LONRF2: variants seen among roughly 807,000 people sequenced by gnomAD.
LONRF2 encodes the protein LON peptidase N-terminal domain and ring finger 2.
A neutral mutation model predicts 66.6 loss-of-function variants in LONRF2; 35 were observed. The ratio of observed to expected loss-of-function variants is 0.53; its 90% CI spans 0.40 to 0.70. LONRF2 has a LOEUF of 0.70. LONRF2 is among the 30% of genes least tolerant of loss of function. The pLI is 0.00. For synonymous variants in LONRF2, 417 were observed against 418.1 expected, an observed-to-expected ratio of 1.00 and a Z score of 0.03; for missense variants, 902 against 1,002.1, an observed-to-expected ratio of 0.90 and a Z score of 1.35.
intron 2 of LONRF2, 120 bp from the exon 3 acceptor site, chr2:100,303,163 T>TA (rs1217163170): frequency 1.9e-6 from 2 of 1,059,614 alleles, no homozygotes; most frequent in Non-Finnish European, 2.6e-6. Flanking sequence ...TTACATAGAA[T>TA]AAACAAAGCC....
chr2:100,308,507 A>G (rs1384468349), intron 2 of LONRF2, among the ~76,000 whole-genome samples: 2 of 152,184 alleles, frequency 1.3e-5, no homozygotes, highest in African/African-American at 4.8e-5. Context: ...AAGTTCTTTA[A>G]AACTTTAAAA....
At position 100,274,675 on chromosome 2, in the gene LONRF2, C is replaced by A. The variant is rs945966061; in HGVS notation, c.*9623G>T. 1.3e-5 allele frequency: 2 copies of A among 152,474 alleles called. No individual in the cohort carries two copies. Among genetic ancestry groups the A allele is most frequent in the Admixed American group, 6.5e-5 (1 of 15,292 alleles). 9.4% of individuals were successfully genotyped at this position (152,474 alleles called of 1,614,324 possible). The stretch of plus-strand genomic sequence containing the variant: ...CACCCTGATCACCCAGGGCCAGGCA[C>A]CAGGCAGCTGGAGACCACCCCTGTA... On this transcript the variant is annotated 3_prime_UTR_variant, in exon 12 of 12. Transcript: ENST00000393437.
At chr2:100,314,056 C>G (rs540526681) in intron 1 of LONRF2, among the ~76,000 whole-genome samples, 41 of 152,080 alleles carry the variant, frequency 2.7e-4, no homozygotes, top group African/African-American at 9.6e-4. Context: ...ATAAATAAAG[C>G]TGCAATGAAC....
chr2:100,287,204 G>A lies in LONRF2; in HGVS notation c.1921-141C>T, dbSNP rs935572667. On this transcript the variant is annotated intron_variant, in intron 10 of 11. Coordinates refer to ENST00000393437, the MANE Select transcript of LONRF2 (RefSeq NM_198461.4). ...CATCAGTTTCACAAAAATGGTACAT[G>A]CTCAATATAGAAATCTGCATTTTTT... 10 of 753,308 alleles carry A rather than the reference G, an allele frequency of 1.3e-5. No individual in the cohort carries two copies. In the African/African-American group the frequency reaches 1.8e-4, roughly 13 times the overall value. The allele number at this position is 753,308 out of a possible 1,614,324, so 46.7% of individuals were successfully genotyped here.
intron 1 of LONRF2, among the ~76,000 whole-genome samples, chr2:100,317,694 T>C (rs1210262941): frequency 1.3e-5 from 2 of 152,196 alleles, no homozygotes; most frequent in Non-Finnish European, 2.9e-5. Flanking sequence ...TTAAAGCACC[T>C]TGATTTTGTG....
At position 100,321,540 on chromosome 2, in the gene LONRF2, C is replaced by A; in HGVS notation, c.554G>T (p.Gly185Val). Reference sequence around the variant, plus strand: ...GGCCGGGAAGCACTTCTCCAGCAGGCCGCTCAGCACCACGTTCACGCGCCG... The same window carrying A: ...GGCCGGGAAGCACTTCTCCAGCAGGACGCTCAGCACCACGTTCACGCGCCG... The part of the protein sequence containing the change: ...QVRRVNVVLS[G>V]LLEKCFPAEC... Residue 185 changes from glycine (G) to valine (V), a missense_variant, in exon 1 of 12, where the codon GGC becomes GTC. By Grantham distance (109) the Gly-to-Val change is moderately radical (BLOSUM62 -3). Around this residue, in one of 2 missense-constraint regions of LONRF2, gnomAD observed 585 missense variants for 569.9 expected, o/e 1.03. Coordinates refer to ENST00000393437, the MANE Select transcript of LONRF2 (RefSeq NM_198461.4). 1 of 1,549,772 alleles carries A rather than the reference C, an allele frequency of 6.5e-7. No homozygotes were observed.
Position 100,321,982 on chromosome 2 carries a change from C to G in LONRF2, c.112G>C (p.Asp38His). The G allele has an allele frequency of 6.8e-7, 1 of 1,465,726 alleles. No homozygotes were observed. The allele number at this position is 1,465,726 out of a possible 1,614,324, so 90.8% of individuals were successfully genotyped here. Residue 38 changes from aspartate to histidine, a missense_variant, in exon 1 of 12, where the codon GAC becomes CAC. By Grantham distance (81) the Asp-to-His change is moderately conservative. This residue lies in a region of LONRF2 where 585 missense variants were observed against 569.9 expected (regional missense o/e 1.03). Transcript: ENST00000393437. ...AAGAGCTCGGCTGCCATCTCGTAGT[C>G]GCCCGCGCGGAAGGCCTCGTCGCCC... is the stretch of plus-strand genomic sequence containing the variant. Reference protein sequence around the residue: ...EEGDEAFRAGDYEMAAELFRS... With the variant: ...EEGDEAFRAGHYEMAAELFRS...
In LONRF2 at chr2:100,293,780, A is replaced by G. The variant is rs140498613; in HGVS notation, c.1757+449T>C. On this transcript the variant is annotated intron_variant, in intron 9 of 11. Coordinates refer to ENST00000393437, the MANE Select transcript of LONRF2 (RefSeq NM_198461.4). ...GTTTTTGTAGAGATGGGGTCTCCCTATGCTGCCTAGGTTGGTCTCCAACTC... is the reference window on the plus strand; with the variant it reads ...GTTTTTGTAGAGATGGGGTCTCCCTGTGCTGCCTAGGTTGGTCTCCAACTC... 2.2e-4 allele frequency among the ~76,000 whole-genome samples: 33 copies of G among 152,286 alleles called. No individual in the cohort carries two copies. The East Asian group carries it at 5.8e-3, about 27-fold the overall frequency.
intron 11 of LONRF2, 143 bp downstream of exon 11, chr2:100,286,771 T>G: frequency 1.2e-6 from 1 of 837,314 alleles, no homozygotes; most frequent in Non-Finnish European, 1.8e-6. Context: ...AGGTGCTCCT[T>G]TGGGCTGTTA....
chr2:100,302,978 A>C lies in LONRF2; in HGVS notation c.864T>G (p.Phe288Leu). ...CAGGATTCAGAGCAAGGCAGTAGAG[A>C]AATTCCTTTAACACTTCCTTACTTC... ...LGRSKEVLKE[F>L]LYCLALNPEC... is the part of the protein sequence containing the mutation. Residue 288 changes from phenylalanine (F) to leucine (L), a missense_variant, in exon 3 of 12, where the codon TTT (phenylalanine) becomes TTG (leucine). Coordinates refer to ENST00000393437, the MANE Select transcript of LONRF2 (RefSeq NM_198461.4). 1 of 1,612,242 alleles carries C rather than the reference A, an allele frequency of 6.2e-7. No individual in the cohort carries two copies. The highest frequency in any genetic ancestry group is 1.3e-5 in the African/African-American group (1 of 74,990).
chr2:100,318,858 A>T (rs11676282), intron 1 of LONRF2, among the ~76,000 whole-genome samples: 1 of 147,026 alleles, frequency 6.8e-6, no homozygotes, highest in African/African-American at 2.5e-5. Context: ...AAGGCCAGGC[A>T]TGGTGGCTTA....
At chr2:100,288,970 C>T (rs1269163045) in intron 10 of LONRF2, among the ~76,000 whole-genome samples, 3 of 152,176 alleles carry the variant, frequency 2.0e-5, no homozygotes, top group Non-Finnish European at 4.4e-5. Context: ...TCTCTCAAAA[C>T]ATTTTGCTAA....
chr2:100,300,610 C>G (rs1559178814), intron 4 of LONRF2, 34 bp downstream of exon 4: 10 of 1,576,116 alleles, frequency 6.3e-6, no homozygotes, highest in African/African-American at 1.4e-5. Flanking sequence ...AAAGCTTAAT[C>G]AAGAGAATCC....
chr2:100,286,425 T>C (rs1013768978), intron 11 of LONRF2, among the ~76,000 whole-genome samples: 1 of 152,154 alleles, frequency 6.6e-6, no homozygotes, highest in African/African-American at 2.4e-5. Context: ...CCAAAAGTAC[T>C]TGTAGGGAGC....
Position 100,272,341 on chromosome 2 carries a change from G to T in LONRF2, c.*11957C>A, listed in dbSNP as rs1010192885. ...CAGCTAGACCTCGTCTCCATAGAAA[G>T]TAAAAAAATTAGCCGGGTATAGCGG... On this transcript the variant is annotated 3_prime_UTR_variant, in exon 12 of 12. Transcript: ENST00000393437. 1.3e-5 allele frequency among the ~76,000 whole-genome samples: 2 copies of T among 152,006 alleles called. No homozygotes were observed. Among genetic ancestry groups the T allele is most frequent in the African/African-American group, 4.8e-5 (2 of 41,392 alleles).
At chr2:100,286,513 G>T (rs150742137) in intron 11 of LONRF2, among the ~76,000 whole-genome samples, 1 of 152,344 alleles carries the variant, frequency 6.6e-6, no homozygotes, top group East Asian at 1.9e-4. Flanking sequence ...TCACAAGAAT[G>T]ATGGGATTTT....
At position 100,298,335 on chromosome 2, in the gene LONRF2, A is replaced by T. The variant is rs181548985; in HGVS notation, c.1476+501T>A. On this transcript the variant is annotated intron_variant, in intron 7 of 11. Transcript: ENST00000393437. ...CCATGGAACCTGGATTTAATAGTTTATATTGGGGCTAAATATCATTAAATA... is the reference window on the plus strand; with the variant it reads ...CCATGGAACCTGGATTTAATAGTTTTTATTGGGGCTAAATATCATTAAATA... 3.2e-3 allele frequency among the ~76,000 whole-genome samples: 484 copies of T among 152,306 alleles called. 2 individuals carry two copies. Among genetic ancestry groups the T allele is most frequent in the African/African-American group, 0.011 (465 of 41,564 alleles).
rs1240800507 is a variant in LONRF2, at chr2:100,280,055, T to G, written c.*4243A>C. 1 of 152,178 alleles carries G rather than the reference T, an allele frequency of 6.6e-6. No individual in the cohort carries two copies. Among genetic ancestry groups the G allele is most frequent in the African/African-American group, 2.4e-5 (1 of 41,436 alleles). The allele number at this position is 152,178 out of a possible 1,614,324, so 9.4% of individuals were successfully genotyped here. On this transcript the variant is annotated 3_prime_UTR_variant, in exon 12 of 12. Transcript: ENST00000393437. ...TACTTTTATCAGACCTGGGTGCAAA[T>G]TCGAGTTTATGTCCCCAACTTGGGG...
intron 1 of LONRF2, among the ~76,000 whole-genome samples, chr2:100,320,342 A>T (rs1675595280): frequency 1.3e-5 from 2 of 152,222 alleles, no homozygotes; most frequent in Non-Finnish European, 2.9e-5. Flanking sequence ...TGCAAAAACT[A>T]CAGAATACTC....
Sources: gnomAD v4.1 joint callset for allele counts (sites outside exome capture counted in the v4.1 genomes callset) on GRCh38, gnomAD v4.1.1 for gene constraint, gnomAD v4.1.1 regional missense constraint, MANE v1.5 for transcripts, NCBI Gene and HGNC (gene_info 2026-07-23, HGNC 2026-07-21) for gene names.